Variants in ADAMTS9 observed in about 807,000 individuals in gnomAD.
The protein encoded by ADAMTS9 is A disintegrin and metalloproteinase with thrombospondin motifs 9.
In ADAMTS9, 107 loss-of-function variants were observed where a neutral mutation model predicts 257.1. That is an observed-to-expected ratio of 0.42 (90% CI 0.36 to 0.49). The LOEUF (loss-of-function observed/expected upper bound fraction) is 0.49. ADAMTS9 is among the 20% of genes least tolerant of loss of function. ADAMTS9 has a pLI of 0.03. For synonymous variants in ADAMTS9, 982 were observed against 880.9 expected (o/e 1.11, Z -2.03); for missense variants, 2,353 against 2,469.1 (o/e 0.95, Z 1.00).
chr3:64,663,447 A>ATTC (rs1701274174), intron 3 of ADAMTS9, among the ~76,000 whole-genome samples: 1 of 104,432 alleles, frequency 9.6e-6, no homozygotes, highest in African/African-American at 4.1e-5. Flanking sequence ...TTTTTTTTTG[A>ATTC]CCACTAAGGG....
chr3:64,558,113 C>T (rs1413217723), intron 30 of ADAMTS9, among the ~76,000 whole-genome samples: 1 of 152,164 alleles, frequency 6.6e-6, no homozygotes, highest in Non-Finnish European at 1.5e-5. Flanking sequence ...ACTTTGATAG[C>T]AACTCTCCAG....
At chr3:64,655,737 A>G (rs1157756395) in intron 5 of ADAMTS9, 46 bp from the exon 6 acceptor site, 13 of 1,588,754 alleles carry the variant, frequency 8.2e-6, no homozygotes, top group Admixed American at 5.1e-5. Context: ...ACCGATCCCA[A>G]TTAGATATGC....
intron 5 of ADAMTS9, 43 bp downstream of exon 5, chr3:64,655,749 A>C (rs201415729): frequency 6.3e-7 from 1 of 1,582,708 alleles, no homozygotes; most frequent in East Asian, 2.2e-5. Flanking sequence ...TAGATATGCC[A>C]TTTCGGATAC....
chr3:64,531,890 T>C (rs1387073972), intron 38 of ADAMTS9, among the ~76,000 whole-genome samples: 1 of 152,190 alleles, frequency 6.6e-6, no homozygotes, highest in African/African-American at 2.4e-5. Flanking sequence ...CTGGGTAAAC[T>C]TAGACATTTT....
chr3:64,550,735 A>G, intron 31 of ADAMTS9, 157 bp downstream of exon 31: 1 of 836,072 alleles, frequency 1.2e-6, no homozygotes, highest in Admixed American at 2.8e-5. Flanking sequence ...CTAGCTTGGG[A>G]AAGCTGAGGA....
intron 3 of ADAMTS9, among the ~76,000 whole-genome samples, chr3:64,668,442 G>C (rs981193370): frequency 1.3e-5 from 2 of 152,168 alleles, no homozygotes; most frequent in African/African-American, 4.8e-5. Flanking sequence ...AGATAAGAGT[G>C]TGAGCTCGGG....
chr3:64,655,187 G>A (rs1297401055), intron 6 of ADAMTS9, among the ~76,000 whole-genome samples: 1 of 152,206 alleles, frequency 6.6e-6, no homozygotes, highest in African/African-American at 2.4e-5. Flanking sequence ...GGCAACGCCA[G>A]GTCCATCTGA....
intron 9 of ADAMTS9, 96 bp from the exon 10 acceptor site, chr3:64,649,874 A>G (rs1188581824): frequency 1.5e-6 from 2 of 1,357,606 alleles, no homozygotes; most frequent in Non-Finnish European, 2.0e-6. Context: ...TTGTAATGGT[A>G]GAGAGGACAG....
At chr3:64,547,733 T>C (rs186651368) in intron 31 of ADAMTS9, among the ~76,000 whole-genome samples, 3 of 152,272 alleles carry the variant, frequency 2.0e-5, no homozygotes, top group East Asian at 3.9e-4. Context: ...TCTTGCTCTA[T>C]ATCACGCCCT....
At chr3:64,683,378 C>A (rs1701807153) in intron 2 of ADAMTS9, among the ~76,000 whole-genome samples, 1 of 152,108 alleles carries the variant, frequency 6.6e-6, no homozygotes, top group African/African-American at 2.4e-5. Context: ...ATAAAAGAAC[C>A]CTGAGGTTCT....
intron 30 of ADAMTS9, among the ~76,000 whole-genome samples, chr3:64,551,310 C>T (rs868002868): frequency 6.6e-6 from 1 of 152,002 alleles, no homozygotes; most frequent in East Asian, 1.9e-4. Context: ...TCCGGGTTCA[C>T]GCCGTTTTCC....
chr3:64,583,366 G>A (rs564804306), intron 28 of ADAMTS9: 1 of 152,262 alleles, frequency 6.6e-6, no homozygotes, highest in African/African-American at 2.4e-5. Flanking sequence ...TGGCTCCCTG[G>A]AATCTCACCT....
At chr3:64,523,370 A>C (rs995519091) in intron 38 of ADAMTS9, among the ~76,000 whole-genome samples, 2 of 152,210 alleles carry the variant, frequency 1.3e-5, no homozygotes, top group Non-Finnish European at 2.9e-5. Context: ...CTAAAGAATT[A>C]GACTCTATGA....
chr3:64,621,375 T>C, intron 18 of ADAMTS9, 135 bp from the exon 19 acceptor site: 2 of 1,041,340 alleles, frequency 1.9e-6, no homozygotes, highest in South Asian at 1.7e-5. Context: ...TCTGTTGCAC[T>C]ATTCAACCCT....
At chr3:64,685,996 G>A (rs767457335) in intron 2 of ADAMTS9, among the ~76,000 whole-genome samples, 1 of 152,192 alleles carries the variant, frequency 6.6e-6, no homozygotes, top group African/African-American at 2.4e-5. Flanking sequence ...TTCCTGGGAC[G>A]GGACCTGCTC....
intron 23 of ADAMTS9, 64 bp downstream of exon 23, chr3:64,606,896 C>T: frequency 6.3e-7 from 1 of 1,596,316 alleles, no homozygotes; most frequent in Non-Finnish European, 8.5e-7. Context: ...TTTGTCTAAA[C>T]AGCTGGGCAG....
At chr3:64,588,509 A>G (rs1348612519) in intron 28 of ADAMTS9, 1 of 151,988 alleles carries the variant, frequency 6.6e-6, no homozygotes, top group African/African-American at 2.4e-5. Context: ...CTCAACTGCC[A>G]TCACTAATCG....
chr3:64,641,747 T>G, intron 12 of ADAMTS9, 101 bp downstream of exon 12: 1 of 1,460,050 alleles, frequency 6.8e-7, no homozygotes, highest in Non-Finnish European at 9.4e-7. Flanking sequence ...TCTTTCTAGC[T>G]CTCTAAGTTG....
intron 16 of ADAMTS9, among the ~76,000 whole-genome samples, chr3:64,627,262 G>T (rs1403205208): frequency 6.6e-6 from 1 of 151,952 alleles, no homozygotes; most frequent in Non-Finnish European, 1.5e-5. Flanking sequence ...ACCCTTCCAT[G>T]CATATTCTTT....
Sources: gnomAD v4.1 joint callset for allele counts (sites outside exome capture counted in the v4.1 genomes callset) on GRCh38, gnomAD v4.1.1 for gene constraint, MANE v1.5 for transcripts, NCBI Gene and HGNC (gene_info 2026-07-23, HGNC 2026-07-21) for gene names.